The following MEI4 variants were observed in gnomAD, a reference collection of about 807,000 sequenced individuals.
MEI4 encodes meiosis-specific protein MEI4.
In MEI4, 27 loss-of-function variants were observed where a neutral mutation model predicts 31.4. The observed-to-expected ratio is 0.86, with a 90% CI of 0.63 to 1.19. The LOEUF is 1.19. Among genes scored for constraint, MEI4 ranks in the 50% most tolerant of loss-of-function variants. The pLI is 0.00. For missense variants in MEI4, 329 were observed against 398.9 expected (o/e 0.82, Z 1.49); for synonymous variants, 122 against 145.4 (o/e 0.84, Z 1.16).
At chr6:77,819,450 C>G (rs1225053622) in intron 3 of MEI4, among the ~76,000 whole-genome samples, 1 of 151,956 alleles carries the variant, frequency 6.6e-6, no homozygotes, top group African/African-American at 2.4e-5. Flanking sequence ...GACCAGAAAC[C>G]TAATGATATT....
In MEI4 at chr6:77,923,332, A is replaced by T; in HGVS notation, c.1144A>T (p.Thr382Ser). ...TCTTTTGAGCTCAGCACAGATAGAA[A>T]CTCTTAGAAAATAACTCCATTCCTT... is the stretch of plus-strand genomic sequence containing the variant. ...GILLSSAQIE[T>S]LRK Residue 382 changes from threonine (T) to serine (S), a missense_variant, in exon 5 of 5, where the codon ACT (threonine) becomes TCT (serine). Thr to Ser is a moderately conservative substitution (Grantham distance 58). Coordinates refer to ENST00000684080, the MANE Select transcript of MEI4 (RefSeq NM_001322247.2). The T allele has an allele frequency of 8.1e-7, 1 of 1,229,742 alleles. No homozygotes were observed. The highest frequency in any genetic ancestry group is 1.0e-6 in the Non-Finnish European group (1 of 986,318). 76.2% of individuals were successfully genotyped at this position (1,229,742 alleles called of 1,614,324 possible). A position where few individuals can be genotyped will look rare whatever the true frequency, so the allele number is the denominator to read the frequency against.
chr6:77,794,466 G>T (rs139328302), intron 3 of MEI4, among the ~76,000 whole-genome samples: 1 of 152,130 alleles, frequency 6.6e-6, no homozygotes, highest in Non-Finnish European at 1.5e-5. Context: ...GGGAGGGTGA[G>T]GCAGGAGAAT....
chr6:77,796,852 G>A (rs1277254234), intron 3 of MEI4, among the ~76,000 whole-genome samples: 1 of 152,086 alleles, frequency 6.6e-6, no homozygotes, highest in African/African-American at 2.4e-5. Flanking sequence ...AAATTCCTGT[G>A]GAACCTCAAA....
intron 2 of MEI4, among the ~76,000 whole-genome samples, chr6:77,758,969 A>T (rs1444936765): frequency 6.6e-6 from 1 of 151,984 alleles, no homozygotes; most frequent in African/African-American, 2.4e-5. Flanking sequence ...CTTTATTCTC[A>T]TTCACTCTTT....
At chr6:77,787,422 G>C (rs563809616) in intron 3 of MEI4, among the ~76,000 whole-genome samples, 2 of 152,260 alleles carry the variant, frequency 1.3e-5, no homozygotes, top group East Asian at 3.9e-4. Flanking sequence ...GCCCCTGGTG[G>C]TTGGTGGGGT....
intron 2 of MEI4, among the ~76,000 whole-genome samples, chr6:77,730,021 G>A (rs1424300316): frequency 6.6e-6 from 1 of 151,960 alleles, no homozygotes; most frequent in Non-Finnish European, 1.5e-5. Flanking sequence ...CAAGAGCTGA[G>A]GTCAAAGTAG....
rs138562029 is a variant in MEI4, at chr6:77,770,584, C to T, written c.768+8919C>T. Among the ~76,000 whole-genome samples, 395 of 152,156 alleles carry T rather than the reference C, an allele frequency of 2.6e-3. 2 individuals are homozygous for T. The highest frequency in any genetic ancestry group is 8.7e-3 in the African/African-American group (363 of 41,528). ...AAAAAGAACAAAGCTGGAGGCATCA[C>T]GTTACCTGTGATCCACACTATAGGG... On this transcript the variant is annotated intron_variant, in intron 3 of 4. Coordinates refer to ENST00000684080, the MANE Select transcript of MEI4 (RefSeq NM_001322247.2).
rs572752928 is a variant in MEI4, at chr6:77,781,600, C to A, written c.768+19935C>A. Among the ~76,000 whole-genome samples the A allele has an allele frequency of 6.6e-5, 10 of 152,264 alleles. 1 individual carries two copies. The South Asian group carries it at 2.1e-3, about 32-fold the overall frequency. The stretch of plus-strand genomic sequence containing the variant: ...AATATTTTGATTCTAATTTCTCACT[C>A]ATTATGGTCTACATTATTAAGTTCT... On this transcript the variant is annotated intron_variant, in intron 3 of 4. Transcript: ENST00000684080.
chr6:77,745,802 C>G (rs540193331), intron 2 of MEI4, among the ~76,000 whole-genome samples: 8 of 152,276 alleles, frequency 5.3e-5, no homozygotes, highest in Admixed American at 2.0e-4. Flanking sequence ...AACTAGAACT[C>G]AGGCTTAAGA....
chr6:77,772,418 C>T (rs1768340577), intron 3 of MEI4, among the ~76,000 whole-genome samples: 1 of 151,832 alleles, frequency 6.6e-6, no homozygotes, highest in Non-Finnish European at 1.5e-5. Flanking sequence ...TCAGCATACA[C>T]AAATCAATCA....
intron 1 of MEI4, among the ~76,000 whole-genome samples, chr6:77,690,151 C>G (rs1035585839): frequency 6.6e-6 from 1 of 151,814 alleles, no homozygotes; most frequent in Non-Finnish European, 1.5e-5. Context: ...GCAGAAATAG[C>G]AGGTAAAAGG....
chr6:77,845,300 T>A (rs1216376789), intron 4 of MEI4, among the ~76,000 whole-genome samples: 1 of 152,190 alleles, frequency 6.6e-6, no homozygotes, highest in African/African-American at 2.4e-5. Context: ...TGTTTCCAAC[T>A]TCCAAAGATA....
rs1436067043 is a variant in MEI4, at chr6:77,815,726, T to C, written c.769-13205T>C. ...TGTTAGGGTCACTAGTAACTGGTAC[T>C]GCTGGGTTGGAACTTTAGGGAGTAT... On this transcript the variant is annotated intron_variant, in intron 3 of 4. Coordinates refer to ENST00000684080, the MANE Select transcript of MEI4 (RefSeq NM_001322247.2). Among the ~76,000 whole-genome samples, 5 of 152,132 alleles carry C rather than the reference T, an allele frequency of 3.3e-5. No individual in the cohort carries two copies. In the East Asian group the frequency reaches 9.6e-4, roughly 29 times the overall value.
At position 77,916,411 on chromosome 6, in the gene MEI4, G is replaced by A. The variant is rs141675693; in HGVS notation, c.901-6678G>A. ...TTTGAAATTTGTTTTTTTAGTAGAT[G>A]ACTTTTTCCTAAAGATAATTCCATT... On this transcript the variant is annotated intron_variant, in intron 4 of 4. Transcript: ENST00000684080. Among the ~76,000 whole-genome samples, 430 of 152,038 alleles carry A rather than the reference G, an allele frequency of 2.8e-3. 2 individuals are homozygous for A. The highest frequency in any genetic ancestry group is 7.3e-3 in the South Asian group (35 of 4,812).
At chr6:77,916,120 T>G (rs1021085235) in intron 4 of MEI4, among the ~76,000 whole-genome samples, 1 of 152,084 alleles carries the variant, frequency 6.6e-6, no homozygotes, top group Non-Finnish European at 1.5e-5. Context: ...TTTTTAATGC[T>G]ATCTATCTCA....
chr6:77,901,748 T>C (rs1008635405), intron 4 of MEI4, among the ~76,000 whole-genome samples: 1 of 152,132 alleles, frequency 6.6e-6, no homozygotes, highest in Non-Finnish European at 1.5e-5. Context: ...TTTTCTTTTC[T>C]GGCCTGTACT....
intron 4 of MEI4, among the ~76,000 whole-genome samples, chr6:77,844,749 G>A (rs9343679): frequency 0.019 from 2,886 of 152,034 alleles, 65 homozygotes; most frequent in East Asian, 0.088. Context: ...GTCACATGTC[G>A]AGGAAAGCAG....
At chr6:77,772,780 G>A (rs1163157179) in intron 3 of MEI4, among the ~76,000 whole-genome samples, 1 of 151,960 alleles carries the variant, frequency 6.6e-6, no homozygotes, top group African/African-American at 2.4e-5. Context: ...GTTTGTAGAT[G>A]ATATCATTTA....
chr6:77,774,046 C>A (rs1768380233), intron 3 of MEI4, among the ~76,000 whole-genome samples: 1 of 151,996 alleles, frequency 6.6e-6, no homozygotes, highest in South Asian at 2.1e-4. Flanking sequence ...GAAAAAAAGA[C>A]CCTTGTACAC....
Sources: gnomAD v4.1 joint callset for allele counts (sites outside exome capture counted in the v4.1 genomes callset) on GRCh38, gnomAD v4.1.1 for gene constraint, MANE v1.5 for transcripts, NCBI Gene and HGNC (gene_info 2026-07-23, HGNC 2026-07-21) for gene names.